Variants in RGPD4 observed in about 807,000 individuals in gnomAD.
RGPD4 encodes ranBP2-like and GRIP domain-containing protein 4.
In RGPD4, 84 loss-of-function variants were observed where a neutral mutation model predicts 141.1. The ratio of observed to expected loss-of-function variants is 0.60; its 90% CI spans 0.50 to 0.71. The LOEUF (loss-of-function observed/expected upper bound fraction) is 0.71. Ranked by LOEUF, RGPD4 falls within the 30% of genes least tolerant of loss-of-function variation. The pLI, the probability that RGPD4 is intolerant of heterozygous loss-of-function variation, is 0.00. For synonymous variants in RGPD4, 298 were observed against 566.8 expected (o/e 0.53, Z 6.74); for missense variants, 918 against 1,622.4 (o/e 0.57, Z 7.46).
rs1475296950 is a variant in RGPD4, at chr2:107,862,948, G to C, written c.2386-1G>C. ...TTTTGTGATTTTTATTTTTTTTTTA[G>C]TATTCTCCCAAAACACCACCTCGAT... On this transcript the variant is annotated splice_acceptor_variant, in intron 16 of 22. Coordinates refer to ENST00000408999, the MANE Select transcript of RGPD4 (RefSeq NM_182588.3). LOFTEE classifies it high-confidence loss of function. The C allele has an allele frequency of 2.5e-6, 4 of 1,600,822 alleles. No individual in the cohort carries two copies. The highest frequency in any genetic ancestry group is 3.4e-6 in the Non-Finnish European group (4 of 1,176,426).
rs1167995682 is a variant in RGPD4 at position 107,854,643 on chromosome 2, G to A, written c.1066G>A (p.Gly356Arg). 9.1e-6 allele frequency: 12 copies of A among 1,318,828 alleles called. No individual in the cohort carries two copies. The highest frequency in any genetic ancestry group is 1.3e-5 in the South Asian group (1 of 75,048). The allele number at this position is 1,318,828 out of a possible 1,614,324, so 81.7% of individuals were successfully genotyped here. A position where few individuals can be genotyped will look rare whatever the true frequency, so the allele number is the denominator to read the frequency against. The change falls in exon 8 of 23, where the codon GGG (glycine) becomes AGG (arginine). Residue 356 changes from glycine (G) to arginine (R), a missense_variant and splice_region_variant. Gly to Arg is a moderately radical substitution (Grantham distance 125). Transcript: ENST00000408999. ...MMACDRLSQS[G>R]HMLLNLSRGK... is the part of the protein sequence containing the mutation. ...GGCCTGTGACCGACTGAGCCAATCA[G>A]GTAATAGTAATATTAAACTAATTTA...
Position 107,871,204 on chromosome 2 carries a change from T to G in RGPD4, c.3200T>G (p.Leu1067Arg). The change falls in exon 20 of 23, where the codon CTA becomes CGA. Residue 1067 changes from leucine (L) to arginine (R), a missense_variant. By Grantham distance (102) the Leu-to-Arg change is moderately radical. Transcript: ENST00000408999. ...EKVLYSQGVK[L>R]FRFDAEVRQW... is the part of the protein sequence containing the mutation. ...GTTCTGTATTCACAGGGGGTAAAACTATTTAGATTTGATGCTGAGGTAAGG... is the reference window on the plus strand; with the variant it reads ...GTTCTGTATTCACAGGGGGTAAAACGATTTAGATTTGATGCTGAGGTAAGG... 6.2e-7 allele frequency: 1 copy of G among 1,609,590 alleles called. No individual in the cohort carries two copies. Among genetic ancestry groups the G allele is most frequent in the Non-Finnish European group, 8.5e-7 (1 of 1,179,618 alleles).
Position 107,860,629 on chromosome 2 carries a change from G to A in RGPD4, c.1759-137G>A. On this transcript the variant is annotated intron_variant, in intron 12 of 22. Coordinates refer to ENST00000408999, the MANE Select transcript of RGPD4 (RefSeq NM_182588.3). ...GGTGGTTTAGTTATTACAGTATTTAGAAGTTGAACAAATGACTATTGAGGT... is the reference window on the plus strand; with the variant it reads ...GGTGGTTTAGTTATTACAGTATTTAAAAGTTGAACAAATGACTATTGAGGT... The A allele has an allele frequency of 3.4e-6, 5 of 1,454,550 alleles. No individual in the cohort carries two copies. In the South Asian group the frequency reaches 5.1e-5, roughly 15 times the overall value. The allele number at this position is 1,454,550 out of a possible 1,614,324, so 90.1% of individuals were successfully genotyped here. A position where few individuals can be genotyped will look rare whatever the true frequency, so the allele number is the denominator to read the frequency against.
At position 107,847,113 on chromosome 2, in the gene RGPD4, G is replaced by A. The variant is rs1484275423; in HGVS notation, c.783-1228G>A. Among the ~76,000 whole-genome samples, 270 of 146,786 alleles carry A rather than the reference G, an allele frequency of 1.8e-3. 2 individuals carry two copies. Among genetic ancestry groups the A allele is most frequent in the Middle Eastern group, 7.2e-3 (2 of 278 alleles). Reference sequence around the variant, plus strand: ...AAAAATTAGCCGGGCATGTTGGTACGCGCCTATAGTCCCAGCTGCTCGGGA... The same window carrying A: ...AAAAATTAGCCGGGCATGTTGGTACACGCCTATAGTCCCAGCTGCTCGGGA... On this transcript the variant is annotated intron_variant, in intron 6 of 22. Coordinates refer to ENST00000408999, the MANE Select transcript of RGPD4 (RefSeq NM_182588.3).
intron 22 of RGPD4, among the ~76,000 whole-genome samples, chr2:107,884,230 C>A (rs1675446222): frequency 1.3e-5 from 2 of 152,072 alleles, no homozygotes; most frequent in Non-Finnish European, 2.9e-5. Flanking sequence ...CCTGCCTCGG[C>A]CTCCCAAGTA....
At chr2:107,829,834 G>T (rs898488380) in intron 1 of RGPD4, among the ~76,000 whole-genome samples, 2 of 152,072 alleles carry the variant, frequency 1.3e-5, no homozygotes, top group Non-Finnish European at 1.5e-5. Context: ...CTGGTTCTCG[G>T]GGGCTTAGGC....
chr2:107,866,962 A>G (rs1196940042), intron 18 of RGPD4, among the ~76,000 whole-genome samples: 2 of 149,914 alleles, frequency 1.3e-5, no homozygotes, highest in Non-Finnish European at 3.0e-5. Flanking sequence ...AAGGTTACTA[A>G]TAGTGTTTAC....
chr2:107,857,583 C>T (rs1375199057), intron 9 of RGPD4, among the ~76,000 whole-genome samples: 1 of 151,488 alleles, frequency 6.6e-6, no homozygotes, highest in Non-Finnish European at 1.5e-5. Context: ...TAGGCACATG[C>T]CACTCGGCCC....
At chr2:107,830,032 G>T (rs1211584453) in intron 1 of RGPD4, among the ~76,000 whole-genome samples, 1 of 152,026 alleles carries the variant, frequency 6.6e-6, no homozygotes, top group East Asian at 1.9e-4. Flanking sequence ...TGGCCGGACG[G>T]CGCAAATGAC....
chr2:107,827,389 C>G (rs868163923), intron 1 of RGPD4, among the ~76,000 whole-genome samples: 1 of 84,422 alleles, frequency 1.2e-5, no homozygotes, highest in Admixed American at 9.9e-5. Context: ...CTCCCTGGCG[C>G]GCTCTGTTGA....
rs978067495 is a variant in RGPD4, at chr2:107,868,585, AT to A, written c.2606-1291del. On this transcript the variant is annotated intron_variant, in intron 18 of 22. Transcript: ENST00000408999. ...GTATATCAACATGAATGTTAATGTG[AT>A]TTTTTTAAAGCCAACGAACACATTT... Among the ~76,000 whole-genome samples, 14 of 149,810 alleles carry A rather than the reference AT, an allele frequency of 9.3e-5. No individual in the cohort carries two copies. In the East Asian group the frequency reaches 2.2e-3, roughly 24 times the overall value.
intron 22 of RGPD4, among the ~76,000 whole-genome samples, chr2:107,883,416 G>A (rs1041244725): frequency 4.0e-5 from 6 of 151,428 alleles, no homozygotes; most frequent in African/African-American, 1.5e-4. Flanking sequence ...CGGATCACAA[G>A]ATCAAGATAC....
intron 22 of RGPD4, among the ~76,000 whole-genome samples, chr2:107,888,365 C>T (rs1012427482): frequency 2.0e-5 from 3 of 151,032 alleles, no homozygotes; most frequent in Non-Finnish European, 4.4e-5. Context: ...TGCAGGTGAA[C>T]ATACAACAGT....
intron 22 of RGPD4, among the ~76,000 whole-genome samples, chr2:107,883,360 G>A (rs1412734100): frequency 6.6e-6 from 1 of 151,678 alleles, no homozygotes; most frequent in African/African-American, 2.4e-5. Context: ...GCCAGGCGCT[G>A]GTGGTTCATG....
intron 21 of RGPD4, among the ~76,000 whole-genome samples, chr2:107,880,373 C>T (rs1464757790): frequency 1.4e-5 from 2 of 140,598 alleles, no homozygotes; most frequent in African/African-American, 5.4e-5. Context: ...ACGCCATTCT[C>T]CTGCCTCAGC....
rs556804904 is a variant in RGPD4 at position 107,827,099 on chromosome 2, G to C, written c.72+14G>C. On this transcript the variant is annotated intron_variant, in intron 1 of 22. Transcript: ENST00000408999. ...TCGCCTCGAAAGGTGAGTGGATCTC[G>C]AAGAGACCGACGGCCTCGACCTGGC... is the stretch of plus-strand genomic sequence containing the variant. 5.4e-5 allele frequency: 85 copies of C among 1,584,760 alleles called. No individual in the cohort carries two copies. The highest frequency in any genetic ancestry group is 6.9e-5 in the East Asian group (3 of 43,402).
At chr2:107,888,561 C>G (rs3872528) in intron 22 of RGPD4, among the ~76,000 whole-genome samples, 2 of 151,798 alleles carry the variant, frequency 1.3e-5, no homozygotes, top group Non-Finnish European at 2.9e-5. Flanking sequence ...TGCCCTCATT[C>G]CCTCCTCCAG....
At chr2:107,828,662 C>G (rs1399381536) in intron 1 of RGPD4, among the ~76,000 whole-genome samples, 2 of 63,284 alleles carry the variant, frequency 3.2e-5, no homozygotes, top group Admixed American at 1.2e-4. Flanking sequence ...TCATGGCTCC[C>G]GACGGGCGCT....
At chr2:107,844,823 C>CT (rs1681859511) in intron 6 of RGPD4, among the ~76,000 whole-genome samples, 12 of 53,810 alleles carry the variant, frequency 2.2e-4, no homozygotes, top group African/African-American at 6.2e-4. Context: ...TTCTTTCTTT[C>CT]TTTTTTGTTT....
Sources: gnomAD v4.1 joint callset for allele counts (sites outside exome capture counted in the v4.1 genomes callset) on GRCh38, gnomAD v4.1.1 for gene constraint, MANE v1.5 for transcripts, NCBI Gene and HGNC (gene_info 2026-07-23, HGNC 2026-07-21) for gene names.